Variants in TRPM3 observed in about 807,000 individuals in gnomAD.
TRPM3 encodes the protein transient receptor potential cation channel subfamily M member 3.
A neutral mutation model predicts 181.2 loss-of-function variants in TRPM3; 77 were observed. That is an observed-to-expected ratio of 0.42 (90% CI 0.35 to 0.51). TRPM3 has a LOEUF of 0.51. Among genes scored for constraint, TRPM3 ranks in the 20% least tolerant of loss-of-function variants. The probability of loss-of-function intolerance (pLI) is 0.01; values close to 1 mark genes in which losing one functional copy is unlikely to be tolerated. For synonymous variants in TRPM3, 745 were observed against 796.4 expected (o/e 0.94, Z 1.09); for missense variants, 1,759 against 2,196.7 (o/e 0.80, Z 3.98).
At chr9:70,842,704 C>G (rs1180449000) in intron 5 of TRPM3, among the ~76,000 whole-genome samples, 1 of 151,962 alleles carries the variant, frequency 6.6e-6, no homozygotes, top group Admixed American at 6.6e-5. Context: ...ATCACTATAC[C>G]AAGAGTAATT....
intron 1 of TRPM3, among the ~76,000 whole-genome samples, chr9:71,230,703 G>C (rs1357832702): frequency 2.6e-5 from 4 of 152,134 alleles, no homozygotes; most frequent in East Asian, 3.9e-4. Flanking sequence ...ACTTGATTTA[G>C]GTTGCTCATG....
At chr9:71,363,978 T>C (rs1473632694) in intron 1 of TRPM3, among the ~76,000 whole-genome samples, 1 of 152,188 alleles carries the variant, frequency 6.6e-6, no homozygotes, top group Non-Finnish European at 1.5e-5. Context: ...GATTAAATGA[T>C]GCGCTAAACT....
At chr9:71,079,906 C>T (rs2063993331) in intron 1 of TRPM3, among the ~76,000 whole-genome samples, 1 of 152,180 alleles carries the variant, frequency 6.6e-6, no homozygotes, top group Non-Finnish European at 1.5e-5. Context: ...CATGGTGGCA[C>T]ACGCCTGTAA....
chr9:71,296,105 G>A (rs564338657), intron 1 of TRPM3, among the ~76,000 whole-genome samples: 10 of 152,232 alleles, frequency 6.6e-5, no homozygotes, highest in African/African-American at 2.4e-4. Context: ...AACAGCTTTC[G>A]TGTGCTAAGC....
intron 1 of TRPM3, among the ~76,000 whole-genome samples, chr9:71,356,720 T>C (rs2091911086): frequency 6.6e-6 from 1 of 152,146 alleles, no homozygotes; most frequent in Non-Finnish European, 1.5e-5. Context: ...TTTGATGTAG[T>C]AGCACAAAAT....
At chr9:71,081,097 T>G (rs1188210786) in intron 1 of TRPM3, among the ~76,000 whole-genome samples, 1 of 152,178 alleles carries the variant, frequency 6.6e-6, no homozygotes. Flanking sequence ...CCCCCTCTCC[T>G]CGCTCCCACC....
rs556444808 is a variant in TRPM3 at position 71,367,382 on chromosome 9, A to G, written c.183+79271T>C. On this transcript the variant is annotated intron_variant, in intron 1 of 24. Transcript: ENST00000357533. ...GACTATTAATCTTCAGGAGAGCTCA[A>G]TGAGTTCTCCATTTTGTAGTTAAGG... 1.0e-3 allele frequency among the ~76,000 whole-genome samples: 157 copies of G among 152,318 alleles called. 1 individual carries two copies. Among genetic ancestry groups the G allele is most frequent in the Non-Finnish European group, 1.8e-3 (125 of 68,024 alleles).
chr9:71,241,777 C>G (rs2081707776), intron 1 of TRPM3, among the ~76,000 whole-genome samples: 1 of 151,686 alleles, frequency 6.6e-6, no homozygotes, highest in South Asian at 2.1e-4. Flanking sequence ...ACTCATCCTG[C>G]AAAAAAAATC....
At chr9:71,286,964 T>TATATAATTATATAATATAATTATATA (rs1565424461) in intron 1 of TRPM3, among the ~76,000 whole-genome samples, 3 of 103,006 alleles carry the variant, frequency 2.9e-5, no homozygotes, top group African/African-American at 1.2e-4. Flanking sequence ...ATATAAATTA[T>TATATAATTATATAATATAATTATATA]ATATAATATA....
chr9:70,571,702 A>T (rs1287267290), intron 22 of TRPM3, among the ~76,000 whole-genome samples: 1 of 152,132 alleles, frequency 6.6e-6, no homozygotes, highest in Non-Finnish European at 1.5e-5. Flanking sequence ...GTGGGGATTA[A>T]ATTAGTTAGT....
chr9:70,558,305 G>C (rs2048233891), intron 22 of TRPM3, among the ~76,000 whole-genome samples: 1 of 152,044 alleles, frequency 6.6e-6, no homozygotes, highest in Admixed American at 6.5e-5. Flanking sequence ...ATTTCAATTG[G>C]GTTTCTGTTA....
intron 7 of TRPM3, among the ~76,000 whole-genome samples, chr9:70,768,449 T>C (rs17055769): frequency 0.038 from 5,738 of 152,220 alleles, 392 homozygotes; most frequent in African/African-American, 0.13. Flanking sequence ...GTGTGTATGC[T>C]TGGGTCAGCC....
intron 1 of TRPM3, among the ~76,000 whole-genome samples, chr9:71,429,633 G>A (rs951489448): frequency 1.3e-5 from 2 of 152,066 alleles, no homozygotes; most frequent in East Asian, 1.9e-4. Flanking sequence ...AACATTTTAC[G>A]GTTCTGTTTG....
At chr9:71,320,171 T>G (rs928454089) in intron 1 of TRPM3, among the ~76,000 whole-genome samples, 2 of 151,810 alleles carry the variant, frequency 1.3e-5, no homozygotes, top group African/African-American at 4.8e-5. Flanking sequence ...CAATAGGGAG[T>G]TTCTTCTGGA....
At chr9:71,446,954 G>A (rs2094211693), upstream of TRPM3, 2 of 1,034,906 alleles carry the variant, frequency 1.9e-6, no homozygotes, top group Non-Finnish European at 1.3e-6. Context: ...CTTTGCCTCC[G>A]CCGGCTCCTG....
intron 1 of TRPM3, among the ~76,000 whole-genome samples, chr9:71,096,696 T>C (rs2067340145): frequency 6.6e-6 from 1 of 151,638 alleles, no homozygotes; most frequent in Admixed American, 6.6e-5. Flanking sequence ...TGGCAGATTT[T>C]ATTTACCTGG....
chr9:71,151,384 C>T (rs1385165832), intron 1 of TRPM3, among the ~76,000 whole-genome samples: 1 of 151,994 alleles, frequency 6.6e-6, no homozygotes, highest in African/African-American at 2.4e-5. Flanking sequence ...TTCAAAGGCT[C>T]CTATTTGTTA....
At chr9:70,585,230 G>A (rs764887514) in intron 22 of TRPM3, among the ~76,000 whole-genome samples, 3 of 152,178 alleles carry the variant, frequency 2.0e-5, no homozygotes, top group Non-Finnish European at 4.4e-5. Context: ...GTGACTTCCT[G>A]AAGGACTAAC....
intron 1 of TRPM3, among the ~76,000 whole-genome samples, chr9:71,211,914 C>G (rs748399616): frequency 3.3e-5 from 5 of 152,130 alleles, no homozygotes; most frequent in Admixed American, 1.3e-4. Context: ...CCCATAACAT[C>G]CTTTATACAG....
Sources: gnomAD v4.1 joint callset for allele counts (sites outside exome capture counted in the v4.1 genomes callset) on GRCh38, gnomAD v4.1.1 for gene constraint, MANE v1.5 for transcripts, NCBI Gene and HGNC (gene_info 2026-07-23, HGNC 2026-07-21) for gene names.